TECRL: variants seen among roughly 807,000 people sequenced by gnomAD.
TECRL encodes trans-2,3-enoyl-CoA reductase-like.
TECRL carries 63 observed loss-of-function variants against 52.8 expected under a neutral mutation model. The ratio of observed to expected loss-of-function variants is 1.19; its 90% CI spans 0.97 to 1.47. The LOEUF (loss-of-function observed/expected upper bound fraction) is 1.47, where lower values mean the gene tolerates loss of function less well. Among genes scored for constraint, TECRL ranks in the 40% most tolerant of loss-of-function variants. The pLI, the probability that TECRL is intolerant of heterozygous loss-of-function variation, is 0.00. For missense variants in TECRL, 482 were observed against 429.6 expected (o/e 1.12, Z -1.08); for synonymous variants, 164 against 141.9 (o/e 1.16, Z -1.10).
intron 1 of TECRL, among the ~76,000 whole-genome samples, chr4:64,388,577 A>G (rs1376667069): frequency 6.6e-6 from 1 of 151,846 alleles, no homozygotes; most frequent in African/African-American, 2.4e-5. Flanking sequence ...CTGGGATTTT[A>G]GTAGGGATTG....
chr4:64,384,806 A>G (rs1723061438), intron 1 of TECRL, among the ~76,000 whole-genome samples: 1 of 152,140 alleles, frequency 6.6e-6, no homozygotes, highest in Non-Finnish European at 1.5e-5. Context: ...GAAGTTATGC[A>G]TGAATTCTTG....
intron 5 of TECRL, among the ~76,000 whole-genome samples, chr4:64,313,039 C>A (rs1411847571): frequency 1.3e-5 from 2 of 152,050 alleles, no homozygotes; most frequent in African/African-American, 2.4e-5. Flanking sequence ...TCAATTAAAT[C>A]TTTTTTTCTT....
chr4:64,280,012 C>T lies in TECRL; in HGVS notation c.*60G>A, dbSNP rs1297129789. 4.2e-5 allele frequency: 64 copies of T among 1,522,336 alleles called. 1 individual carries two copies. In the South Asian group the frequency reaches 7.8e-4, roughly 19 times the overall value. 94.3% of individuals were successfully genotyped at this position (1,522,336 alleles called of 1,614,324 possible). A position where few individuals can be genotyped will look rare whatever the true frequency, so the allele number is the denominator to read the frequency against. ...GAGTATAATAGTTAACTATCCTTAA[C>T]TAAGTCTTATTTATTGAATTTATAT... On this transcript the variant is annotated 3_prime_UTR_variant, in exon 12 of 12. Coordinates refer to ENST00000381210, the MANE Select transcript of TECRL (RefSeq NM_001010874.5).
rs571015448 is a variant in TECRL, at chr4:64,328,556, C to T, written c.287G>A (p.Cys96Tyr). The T allele has an allele frequency of 6.2e-7, 1 of 1,609,220 alleles. No homozygotes were observed. The highest frequency in any genetic ancestry group is 1.3e-5 in the African/African-American group (1 of 74,786). Residue 96 changes from cysteine to tyrosine, a missense_variant and splice_region_variant, in exon 3 of 12, where the codon TGT becomes TAT. Cys to Tyr is a radical substitution (Grantham distance 194). Transcript: ENST00000381210. ...AACTCGAGAAGGGTACCACTTTGGA[C>T]CTATTCAATGAAAAATAACATTTAA... ...HDVKQKFHKA[C>Y]PKWYPSRVGL...
intron 6 of TECRL, among the ~76,000 whole-genome samples, chr4:64,307,227 T>C (rs1224385015): frequency 6.6e-6 from 1 of 152,190 alleles, no homozygotes; most frequent in African/African-American, 2.4e-5. Flanking sequence ...CCTTCATTAA[T>C]GTTTCTTGCC....
At chr4:64,357,991 A>G (rs568398033) in intron 2 of TECRL, among the ~76,000 whole-genome samples, 1 of 151,940 alleles carries the variant, frequency 6.6e-6, no homozygotes, top group Admixed American at 6.6e-5. Flanking sequence ...GTGTGAAAAA[A>G]TGTATTCACT....
At chr4:64,337,175 C>A (rs577817899) in intron 2 of TECRL, among the ~76,000 whole-genome samples, 4 of 152,230 alleles carry the variant, frequency 2.6e-5, no homozygotes, top group East Asian at 3.9e-4. Flanking sequence ...AAGACAAAAA[C>A]CACATGATTA....
chr4:64,404,209 G>C (rs1216725706), intron 1 of TECRL, among the ~76,000 whole-genome samples: 1 of 135,870 alleles, frequency 7.4e-6, no homozygotes, highest in Non-Finnish European at 1.5e-5. Context: ...AAAAGCTTTT[G>C]AGAGTTTTAC....
rs972574556 is a variant in TECRL at position 64,351,727 on chromosome 4, TAAA to T, written c.287-23174_287-23172del. On this transcript the variant is annotated intron_variant, in intron 2 of 11. Transcript: ENST00000381210. ...GAATATGTAAATTATTATGAATTGA[TAAA>T]AAAGATTTTAAAACATTGTACATGA... 1.1e-4 allele frequency among the ~76,000 whole-genome samples: 16 copies of T among 152,320 alleles called. No individual in the cohort carries two copies. In the East Asian group the frequency reaches 2.9e-3, roughly 28 times the overall value.
intron 1 of TECRL, among the ~76,000 whole-genome samples, chr4:64,385,847 GAGTCCATGGTGA>G (rs1469519702): frequency 6.6e-6 from 1 of 152,100 alleles, no homozygotes; most frequent in Admixed American, 6.6e-5. Flanking sequence ...AGGATTAGAG[GAGTCCATGGTGA>G]AAATGTGTAC....
chr4:64,289,732 C>T lies in TECRL; in HGVS notation c.810G>A (p.Met270Ile), dbSNP rs760929056. The T allele has an allele frequency of 3.2e-6, 5 of 1,549,704 alleles. No homozygotes were observed. The highest frequency in any genetic ancestry group is 1.4e-5 in the African/African-American group (1 of 70,414). Residue 270 changes from methionine to isoleucine, a missense_variant, in exon 9 of 12, where the codon ATG becomes ATA. Coordinates refer to ENST00000381210, the MANE Select transcript of TECRL (RefSeq NM_001010874.5). The stretch of plus-strand genomic sequence containing the variant: ...AACCTGTGTGATTGGGATGAGACAA[C>T]ATTACATTGATGAAATGATTCCCAG... Reference protein sequence around the residue: ...CEAGNHFINVMLSHPNHTGNN... With the variant: ...CEAGNHFINVILSHPNHTGNN...
In TECRL at chr4:64,389,122, T is replaced by C. The variant is rs182586104; in HGVS notation, c.235-13899A>G. 2.0e-3 allele frequency among the ~76,000 whole-genome samples: 308 copies of C among 152,094 alleles called. 1 individual carries two copies. Among genetic ancestry groups the C allele is most frequent in the Middle Eastern group, 3.4e-3 (1 of 294 alleles). ...ATCTGTAAACTCTTTATTTCCTTTT[T>C]TTCACATTAGCTAGAACTTCCAGTA... On this transcript the variant is annotated intron_variant, in intron 1 of 11. Transcript: ENST00000381210.
At chr4:64,332,214 CA>C (rs1211175844) in intron 2 of TECRL, among the ~76,000 whole-genome samples, 3 of 151,996 alleles carry the variant, frequency 2.0e-5, no homozygotes, top group Admixed American at 6.6e-5. Flanking sequence ...CCTAATGGGA[CA>C]AAAATCAAAC....
intron 2 of TECRL, among the ~76,000 whole-genome samples, chr4:64,374,562 T>A (rs1387517499): frequency 2.7e-5 from 4 of 150,032 alleles, no homozygotes; most frequent in Non-Finnish European, 5.9e-5. Flanking sequence ...CCCTCCCCGC[T>A]CCCCCCACCC....
chr4:64,393,014 G>T (rs1723650715), intron 1 of TECRL, among the ~76,000 whole-genome samples: 1 of 151,848 alleles, frequency 6.6e-6, no homozygotes, highest in Non-Finnish European at 1.5e-5. Context: ...TTGGTGCTAG[G>T]AATGAGGTGG....
chr4:64,284,781 A>G (rs1723000470), intron 9 of TECRL, among the ~76,000 whole-genome samples: 1 of 152,118 alleles, frequency 6.6e-6, no homozygotes, highest in African/African-American at 2.4e-5. Context: ...TTAGACAAAC[A>G]AAATAAATTA....
chr4:64,298,666 T>C (rs9993368), intron 8 of TECRL, among the ~76,000 whole-genome samples: 4,492 of 150,482 alleles, frequency 0.03, 102 homozygotes, highest in African/African-American at 0.065. Context: ...GAAAAGGGAG[T>C]TGTCTTAATT....
chr4:64,354,943 T>G (rs1447870144), intron 2 of TECRL, among the ~76,000 whole-genome samples: 1 of 152,180 alleles, frequency 6.6e-6, no homozygotes, highest in African/African-American at 2.4e-5. Flanking sequence ...GTAAACTATT[T>G]TCCTTTAGTA....
intron 6 of TECRL, 42 bp downstream of exon 6, chr4:64,309,784 T>C (rs1210741429): frequency 1.0e-5 from 13 of 1,292,360 alleles, no homozygotes; most frequent in Non-Finnish European, 1.1e-5. Flanking sequence ...ATCCAACATA[T>C]AAAATGTCTC....
Sources: gnomAD v4.1 joint callset for allele counts (sites outside exome capture counted in the v4.1 genomes callset) on GRCh38, gnomAD v4.1.1 for gene constraint, MANE v1.5 for transcripts, NCBI Gene and HGNC (gene_info 2026-07-23, HGNC 2026-07-21) for gene names.